The following SCG3 variants were observed in gnomAD, a reference collection of about 807,000 sequenced individuals.
SCG3 encodes the protein secretogranin-3.
A neutral mutation model predicts 56.2 loss-of-function variants in SCG3; 38 were observed. The ratio of observed to expected loss-of-function variants is 0.68; its 90% confidence interval spans 0.52 to 0.89. The LOEUF is 0.89. Among genes scored for constraint, SCG3 ranks in the 40% least tolerant of loss-of-function variants. SCG3 has a pLI of 0.00. For synonymous variants in SCG3, 176 were observed against 184.2 expected, an observed-to-expected ratio of 0.96 and a Z score of 0.36; for missense variants, 524 against 540.7, an observed-to-expected ratio of 0.97 and a Z score of 0.31.
intron 10 of SCG3, among the ~76,000 whole-genome samples, chr15:51,709,714 T>TAA (rs1220768506): frequency 1.8e-4 from 9 of 49,140 alleles, no homozygotes; most frequent in South Asian, 9.3e-4. Flanking sequence ...TTTTTTTTTT[T>TAA]TTTTTTTTTT....
At chr15:51,708,786 G>C (rs1319872783) in intron 10 of SCG3, among the ~76,000 whole-genome samples, 1 of 152,088 alleles carries the variant, frequency 6.6e-6, no homozygotes. Flanking sequence ...GTAAATCCGG[G>C]AGGCGGAGTT....
chr15:51,700,257 A>T (rs1294866531), intron 9 of SCG3, among the ~76,000 whole-genome samples: 1 of 152,210 alleles, frequency 6.6e-6, no homozygotes, highest in African/African-American at 2.4e-5. Flanking sequence ...GCATCACACT[A>T]GCGAATGTTT....
chr15:51,710,587 CTACTT>C (rs1185930259), intron 10 of SCG3, among the ~76,000 whole-genome samples: 2 of 151,960 alleles, frequency 1.3e-5, no homozygotes, highest in Non-Finnish European at 2.9e-5. Flanking sequence ...GCTGAGACCT[CTACTT>C]TATTTTTCTT....
Position 51,703,162 on chromosome 15 carries a change from T to G in SCG3, c.1207+1918T>G, listed in dbSNP as rs566595445. On this transcript the variant is annotated intron_variant, in intron 10 of 11. Transcript: ENST00000220478. ...TCTTGTTCCTTGTTATGATGTGATATGAGATCACAAGGACCAATTTTGCCC... is the reference window on the plus strand; with the variant it reads ...TCTTGTTCCTTGTTATGATGTGATAGGAGATCACAAGGACCAATTTTGCCC... Among the ~76,000 whole-genome samples the G allele has an allele frequency of 5.3e-4, 81 of 152,318 alleles. 1 individual carries two copies.
chr15:51,696,502 G>A (rs1360373566), intron 8 of SCG3, among the ~76,000 whole-genome samples: 4 of 152,126 alleles, frequency 2.6e-5, no homozygotes, highest in African/African-American at 9.7e-5. Flanking sequence ...AGTGAGCCAA[G>A]ATAGGGCCAT....
intron 10 of SCG3, 37 bp downstream of exon 10, chr15:51,701,281 G>A (rs1198438292): frequency 6.5e-7 from 1 of 1,534,210 alleles, no homozygotes; most frequent in Non-Finnish European, 8.7e-7. Context: ...CAATGAAATT[G>A]GGAAAGCAAA....
At chr15:51,711,568 A>T (rs144676255) in intron 10 of SCG3, among the ~76,000 whole-genome samples, 3,018 of 152,360 alleles carry the variant, frequency 0.02, 41 homozygotes, top group Non-Finnish European at 0.032. Flanking sequence ...GTCTGCACTA[A>T]GATTTCTCTC....
At chr15:51,706,418 G>A (rs189982405) in intron 10 of SCG3, among the ~76,000 whole-genome samples, 21 of 152,246 alleles carry the variant, frequency 1.4e-4, no homozygotes, top group Non-Finnish European at 2.6e-4. Flanking sequence ...CACATATCCC[G>A]CTTGTTGATG....
At chr15:51,705,549 T>A (rs1218023455) in intron 10 of SCG3, among the ~76,000 whole-genome samples, 1 of 148,808 alleles carries the variant, frequency 6.7e-6, no homozygotes, top group Non-Finnish European at 1.5e-5. Flanking sequence ...CGAGACAGAG[T>A]CTCTATCTAT....
rs3841591 is a variant in SCG3 at position 51,689,400 on chromosome 15, G to GGTGT, written c.690+61_690+64dup. 900 of 1,177,310 alleles carry GGTGT rather than the reference G, an allele frequency of 7.6e-4. 1 individual carries two copies. Among genetic ancestry groups the GGTGT allele is most frequent in the African/African-American group, 5.5e-3 (343 of 62,914 alleles). 72.9% of individuals were successfully genotyped at this position (1,177,310 alleles called of 1,614,324 possible). On this transcript the variant is annotated intron_variant, in intron 6 of 11. Transcript: ENST00000220478. Reference sequence around the variant, plus strand: ...ATGTGTATATATGCATATGCATGGGGGTGTGTGTGTGTGTGTGTGTGTGTG... The same window carrying GGTGT: ...ATGTGTATATATGCATATGCATGGGGGTGTGTGTGTGTGTGTGTGTGTGTGTGTG...
At position 51,689,500 on chromosome 15, in the gene SCG3, C is replaced by T. The variant is rs140359276; in HGVS notation, c.690+132C>T. Reference sequence around the variant, plus strand: ...GATTTGAGGTATGTGGCATTTTTAGCCCATTTATATTCAGGCCAGACATGT... The same window carrying T: ...GATTTGAGGTATGTGGCATTTTTAGTCCATTTATATTCAGGCCAGACATGT... On this transcript the variant is annotated intron_variant, in intron 6 of 11. Transcript: ENST00000220478. 683 of 1,175,280 alleles carry T rather than the reference C, an allele frequency of 5.8e-4. 3 individuals carry two copies. In the African/African-American group the frequency reaches 9.5e-3, roughly 16 times the overall value. 72.8% of individuals were successfully genotyped at this position (1,175,280 alleles called of 1,614,324 possible).
At chr15:51,716,928 T>G (rs1469188640) in intron 11 of SCG3, among the ~76,000 whole-genome samples, 1 of 152,172 alleles carries the variant, frequency 6.6e-6, no homozygotes, top group African/African-American at 2.4e-5. Flanking sequence ...TAGGGTTCAG[T>G]TAATTTGCTA....
At position 51,719,812 on chromosome 15, in the gene SCG3, A is replaced by T. The variant is rs2055484656; in HGVS notation, c.*286A>T. 3 of 333,342 alleles carry T rather than the reference A, an allele frequency of 9.0e-6. No individual in the cohort carries two copies. The highest frequency in any genetic ancestry group is 1.7e-5 in the Non-Finnish European group (3 of 181,258). The allele number at this position is 333,342 out of a possible 1,614,324, so 20.6% of individuals were successfully genotyped here. ...GTTGCTTTGAAAAAGCCTCTAATGG[A>T]CTGACCTTAAAACTCATCCTTCTTC... On this transcript the variant is annotated 3_prime_UTR_variant, in exon 12 of 12. Transcript: ENST00000220478.
chr15:51,694,168 T>C (rs1326149803), intron 7 of SCG3, among the ~76,000 whole-genome samples: 2 of 152,184 alleles, frequency 1.3e-5, no homozygotes, highest in African/African-American at 4.8e-5. Flanking sequence ...TTATACTGAG[T>C]TCTTTGCTAG....
intron 10 of SCG3, among the ~76,000 whole-genome samples, chr15:51,704,210 T>A (rs922332736): frequency 2.9e-5 from 4 of 138,820 alleles, no homozygotes; most frequent in Admixed American, 7.7e-5. Flanking sequence ...CTTTTTAAAA[T>A]ATATATATAT....
intron 9 of SCG3, among the ~76,000 whole-genome samples, chr15:51,700,182 A>T (rs969081483): frequency 1.3e-5 from 2 of 152,196 alleles, no homozygotes; most frequent in African/African-American, 4.8e-5. Context: ...ATAATAATGT[A>T]ATGACACAAG....
At chr15:51,698,268 G>A (rs74825928) in intron 8 of SCG3, among the ~76,000 whole-genome samples, 1,610 of 152,278 alleles carry the variant, frequency 0.011, 34 homozygotes, top group East Asian at 0.095. Context: ...AAATAGTGTA[G>A]TGAGATAGCT....
At chr15:51,715,661 G>A (rs2055449838) in intron 11 of SCG3, among the ~76,000 whole-genome samples, 1 of 152,174 alleles carries the variant, frequency 6.6e-6, no homozygotes, top group South Asian at 2.1e-4. Flanking sequence ...ACTGGCTTAT[G>A]TCTCCTAACC....
rs190099031 is a variant in SCG3 at position 51,698,171 on chromosome 15, G to A, written c.986-1148G>A. 9.2e-5 allele frequency among the ~76,000 whole-genome samples: 14 copies of A among 152,296 alleles called. No homozygotes were observed. The East Asian group carries it at 2.7e-3, about 29-fold the overall frequency. On this transcript the variant is annotated intron_variant, in intron 8 of 11. Transcript: ENST00000220478. Reference sequence around the variant, plus strand: ...GTAGGGCAAGAGGAGTTTACTTGGGGAGAAAATATACAAAGTAATAATAAG... The same window carrying A: ...GTAGGGCAAGAGGAGTTTACTTGGGAAGAAAATATACAAAGTAATAATAAG...
Sources: allele counts gnomAD v4.1 joint callset (sites outside exome capture counted in the v4.1 genomes callset), GRCh38; gene constraint gnomAD v4.1.1; transcripts MANE v1.5; gene names NCBI Gene and HGNC (gene_info 2026-07-23, HGNC 2026-07-21).